Variants in ERBB4 observed in about 807,000 individuals in gnomAD.
ERBB4 encodes the protein erb-b2 receptor tyrosine kinase 4.
ERBB4 carries 42 observed loss-of-function variants against 158.0 expected under a neutral mutation model. The ratio of observed to expected loss-of-function variants is 0.27; its 90% CI spans 0.21 to 0.34. The LOEUF is 0.34. ERBB4 is among the 10% of genes least tolerant of loss of function. The pLI is 1.00. For missense variants in ERBB4, 1,333 were observed against 1,624.1 expected, an observed-to-expected ratio of 0.82 and a Z score of 3.08; for synonymous variants, 583 against 558.7, an observed-to-expected ratio of 1.04 and a Z score of -0.61.
At chr2:211,395,571 T>A (rs1413824532) in intron 25 of ERBB4, among the ~76,000 whole-genome samples, 1 of 151,410 alleles carries the variant, frequency 6.6e-6, no homozygotes, top group Non-Finnish European at 1.5e-5. Flanking sequence ...TAAGCTGAAA[T>A]ACATATTAAT....
At chr2:212,381,215 T>C (rs978951628) in intron 1 of ERBB4, among the ~76,000 whole-genome samples, 4 of 151,168 alleles carry the variant, frequency 2.6e-5, no homozygotes, top group Non-Finnish European at 5.9e-5. Context: ...CAAACCAAAA[T>C]CTTACAAAAA....
intron 1 of ERBB4, among the ~76,000 whole-genome samples, chr2:212,501,850 G>A (rs1690909841): frequency 6.6e-6 from 1 of 152,032 alleles, no homozygotes; most frequent in Non-Finnish European, 1.5e-5. Flanking sequence ...GATGAAGAAA[G>A]CCATCGAAAT....
intron 20 of ERBB4, among the ~76,000 whole-genome samples, chr2:211,553,423 C>T (rs1271705654): frequency 6.6e-6 from 1 of 152,122 alleles, no homozygotes; most frequent in Non-Finnish European, 1.5e-5. Context: ...TCCCTGCTCT[C>T]CTCAGCCTGG....
intron 1 of ERBB4, among the ~76,000 whole-genome samples, chr2:212,350,849 A>C (rs1405737761): frequency 6.6e-6 from 1 of 152,182 alleles, no homozygotes; most frequent in Non-Finnish European, 1.5e-5. Flanking sequence ...AATAAGGCTG[A>C]CTTTAGATAA....
At chr2:212,191,815 TTA>T (rs959106721) in intron 1 of ERBB4, among the ~76,000 whole-genome samples, 6 of 137,250 alleles carry the variant, frequency 4.4e-5, no homozygotes, top group African/African-American at 1.3e-4. Flanking sequence ...ATAATACATG[TTA>T]TATATGTTCT....
At chr2:211,818,907 T>C (rs559910880) in intron 3 of ERBB4, among the ~76,000 whole-genome samples, 16 of 152,238 alleles carry the variant, frequency 1.1e-4, no homozygotes, top group African/African-American at 2.2e-4. Context: ...TTTTCAAATG[T>C]ATTTATAAAA....
chr2:211,823,166 T>C (rs1341628151), intron 3 of ERBB4, among the ~76,000 whole-genome samples: 1 of 152,066 alleles, frequency 6.6e-6, no homozygotes, highest in East Asian at 1.9e-4. Flanking sequence ...TTCATAAGAA[T>C]ACATAATTGT....
chr2:211,915,018 T>G (rs2125064409), intron 3 of ERBB4, among the ~76,000 whole-genome samples: 1 of 152,246 alleles, frequency 6.6e-6, no homozygotes, highest in East Asian at 1.9e-4. Context: ...AGCAGGCATG[T>G]GAAAAGGTTA....
chr2:212,022,404 C>A (rs2076674808), intron 2 of ERBB4, among the ~76,000 whole-genome samples: 1 of 152,046 alleles, frequency 6.6e-6, no homozygotes, highest in Non-Finnish European at 1.5e-5. Flanking sequence ...AAGCTGGAAG[C>A]CATTATCCTC....
At chr2:212,115,426 GA>G (rs2079543250) in intron 2 of ERBB4, among the ~76,000 whole-genome samples, 1 of 151,622 alleles carries the variant, frequency 6.6e-6, no homozygotes, top group African/African-American at 2.4e-5. Flanking sequence ...AAATTTTGAA[GA>G]AAAAAAGGTA....
At chr2:211,795,814 G>A (rs980237569) in intron 3 of ERBB4, among the ~76,000 whole-genome samples, 2 of 151,672 alleles carry the variant, frequency 1.3e-5, no homozygotes, top group Admixed American at 1.3e-4. Context: ...GTGCATGGAA[G>A]GAAGGGAATT....
chr2:211,580,805 TATATATA>T lies in ERBB4; in HGVS notation c.2302-18724_2302-18718del, dbSNP rs1248299984. ...AAATTGTGATATATATATATATATA[TATATATA>T]ATATATATATATTATATATATAGAT... On this transcript the variant is annotated intron_variant, in intron 19 of 27. Coordinates refer to ENST00000342788, the MANE Select transcript of ERBB4 (RefSeq NM_005235.3). Among the ~76,000 whole-genome samples the T allele has an allele frequency of 4.9e-3, 301 of 61,906 alleles. 15 individuals carry two copies. Among genetic ancestry groups the T allele is most frequent in the African/African-American group, 0.033 (284 of 8,688 alleles). 40.6% of individuals were successfully genotyped at this position (61,906 alleles called of 152,430 possible).
intron 20 of ERBB4, among the ~76,000 whole-genome samples, chr2:211,436,438 C>T (rs992116462): frequency 1.2e-4 from 19 of 152,060 alleles, no homozygotes; most frequent in Admixed American, 6.5e-5. Context: ...CTTATTTACT[C>T]TCTCTGTCAT....
chr2:211,625,707 G>A (rs879773624), intron 17 of ERBB4, among the ~76,000 whole-genome samples: 2 of 151,954 alleles, frequency 1.3e-5, no homozygotes, highest in Non-Finnish European at 1.5e-5. Flanking sequence ...GGAATTGTTG[G>A]GTAGATTTTG....
At chr2:211,580,776 A>G (rs868499192) in intron 19 of ERBB4, among the ~76,000 whole-genome samples, 14 of 101,282 alleles carry the variant, frequency 1.4e-4, no homozygotes, top group Middle Eastern at 8.8e-3. Context: ...ACGGGTAGAT[A>G]AAGAAATTGT....
chr2:211,992,583 A>T (rs934118101), intron 2 of ERBB4, among the ~76,000 whole-genome samples: 2 of 150,994 alleles, frequency 1.3e-5, no homozygotes, highest in East Asian at 3.9e-4. Flanking sequence ...AAAAAAAAAC[A>T]TGAGTTTGTC....
chr2:211,866,317 T>C (rs180775521), intron 3 of ERBB4, among the ~76,000 whole-genome samples: 87 of 152,318 alleles, frequency 5.7e-4, no homozygotes, highest in African/African-American at 1.9e-3. Flanking sequence ...TCTGAACTTA[T>C]GTCCTATCAC....
intron 2 of ERBB4, among the ~76,000 whole-genome samples, chr2:211,985,749 A>T (rs1388321109): frequency 6.6e-6 from 1 of 152,074 alleles, no homozygotes; most frequent in East Asian, 1.9e-4. Flanking sequence ...AAATTTATTT[A>T]AAAATACTCA....
At chr2:211,414,059 A>G (rs2063327639) in intron 25 of ERBB4, among the ~76,000 whole-genome samples, 2 of 152,186 alleles carry the variant, frequency 1.3e-5, no homozygotes, top group African/African-American at 4.8e-5. Context: ...TCTGCACAAA[A>G]TATCTGGTGT....
Sources: gnomAD v4.1 joint callset for allele counts (sites outside exome capture counted in the v4.1 genomes callset) on GRCh38, gnomAD v4.1.1 for gene constraint, MANE v1.5 for transcripts, NCBI Gene and HGNC (gene_info 2026-07-23, HGNC 2026-07-21) for gene names.